Variants in PCDHAC1 observed in about 807,000 individuals in gnomAD.
PCDHAC1 encodes protocadherin alpha subfamily C, 1.
In PCDHAC1, 42 loss-of-function variants were observed where a neutral mutation model predicts 60.0. The observed-to-expected ratio is 0.70, with a 90% CI of 0.55 to 0.90. The LOEUF is 0.90. Among genes scored for constraint, PCDHAC1 ranks in the 40% least tolerant of loss-of-function variants. PCDHAC1 has a pLI of 0.00. For synonymous variants in PCDHAC1, 468 were observed against 499.3 expected, an observed-to-expected ratio of 0.94 and a Z score of 0.84; for missense variants, 1,160 against 1,222.3, an observed-to-expected ratio of 0.95 and a Z score of 0.76.
chr5:140,927,527 C>G lies in PCDHAC1; in HGVS notation c.635C>G (p.Ala212Gly). 6.2e-7 allele frequency: 1 copy of G among 1,614,084 alleles called. No homozygotes were observed. Among genetic ancestry groups the G allele is most frequent in the African/African-American group, 1.3e-5 (1 of 75,062 alleles). Residue 212 changes from alanine (A) to glycine (G), a missense_variant, in exon 1 of 4, where the codon GCC (alanine) becomes GGC (glycine). Transcript: ENST00000253807. ...VLTARDGGLPARSGDAQVTII... is the reference protein window; with the variant it reads ...VLTARDGGLPGRSGDAQVTII... Reference sequence around the variant, plus strand: ...ACAGCTCGGGACGGCGGGCTACCTGCCCGCTCAGGAGACGCACAAGTCACC... The same window carrying G: ...ACAGCTCGGGACGGCGGGCTACCTGGCCGCTCAGGAGACGCACAAGTCACC...
chr5:140,986,042 C>T (rs1344724281), intron 3 of PCDHAC1, among the ~76,000 whole-genome samples: 1 of 152,104 alleles, frequency 6.6e-6, no homozygotes, highest in Admixed American at 6.5e-5. Context: ...CCTGGCCTCA[C>T]TGATGAATTC....
intron 3 of PCDHAC1, among the ~76,000 whole-genome samples, chr5:141,004,084 T>C (rs2098151963): frequency 6.6e-6 from 1 of 152,234 alleles, no homozygotes; most frequent in Non-Finnish European, 1.5e-5. Context: ...GGTAGAAATG[T>C]GCTTCTTCCG....
chr5:140,934,926 G>A lies in PCDHAC1; in HGVS notation c.2433+5601G>A, dbSNP rs1054459840. Among the ~76,000 whole-genome samples, 3 of 152,116 alleles carry A rather than the reference G, an allele frequency of 2.0e-5. No homozygotes were observed. In the East Asian group the frequency reaches 5.8e-4, roughly 29 times the overall value. On this transcript the variant is annotated intron_variant, in intron 1 of 3. Transcript: ENST00000253807. ...TGGAATAATTATGGATTCACATAAA[G>A]TTACAAAACTAGTATAGAGAGATCC...
chr5:140,956,130 AC>A (rs1328169081), intron 1 of PCDHAC1, among the ~76,000 whole-genome samples: 3 of 152,088 alleles, frequency 2.0e-5, no homozygotes. Context: ...CTATTTGAAT[AC>A]CCTTTATTTC....
chr5:140,983,340 A>AG (rs2097043854), intron 3 of PCDHAC1, among the ~76,000 whole-genome samples: 1 of 152,240 alleles, frequency 6.6e-6, no homozygotes, highest in African/African-American at 2.4e-5. Flanking sequence ...TCACTAAAGC[A>AG]GGGTCATGTA....
Position 141,009,922 on chromosome 5 carries a change from C to G in PCDHAC1, c.2877C>G (p.Asp959Glu), listed in dbSNP as rs1554262572. 6.2e-7 allele frequency: 1 copy of G among 1,608,774 alleles called. No individual in the cohort carries two copies. Among genetic ancestry groups the G allele is most frequent in the South Asian group, 1.1e-5 (1 of 90,050 alleles). The change falls in exon 4 of 4, where the codon GAC becomes GAG. Residue 959 changes from aspartate to glutamate, a missense_variant. Coordinates refer to ENST00000253807, the MANE Select transcript of PCDHAC1 (RefSeq NM_018898.5). ...AAGAGAAAGGGAACAGCACGACTGACAACAGTGACCAGTGAGGTCCTCAAA... is the reference window on the plus strand; with the variant it reads ...AAGAGAAAGGGAACAGCACGACTGAGAACAGTGACCAGTGAGGTCCTCAAA... ...EKKEKGNSTT[D>E]NSDQ
At chr5:140,943,267 AAAAAAAAAAAG>A in intron 1 of PCDHAC1, among the ~76,000 whole-genome samples, 2 of 150,426 alleles carry the variant, frequency 1.3e-5, no homozygotes, top group South Asian at 2.1e-4. Context: ...CAAAAAAAAA[AAAAAAAAAAAG>A]AAAGAAAGAA....
At chr5:141,007,280 T>G (rs946303708) in intron 3 of PCDHAC1, among the ~76,000 whole-genome samples, 1 of 151,106 alleles carries the variant, frequency 6.6e-6, no homozygotes, top group East Asian at 1.9e-4. Flanking sequence ...CTGGGTGCAG[T>G]GGGCTCATGC....
intron 3 of PCDHAC1, among the ~76,000 whole-genome samples, chr5:140,999,619 G>A (rs2097865766): frequency 6.6e-6 from 1 of 152,146 alleles, no homozygotes; most frequent in Non-Finnish European, 1.5e-5. Flanking sequence ...TTATCAACCA[G>A]GAAACAAGGT....
intron 1 of PCDHAC1, among the ~76,000 whole-genome samples, chr5:140,965,427 G>A (rs1336088571): frequency 6.6e-6 from 1 of 152,104 alleles, no homozygotes; most frequent in Non-Finnish European, 1.5e-5. Flanking sequence ...AAGATAAGCT[G>A]CAGTCATTGA....
At chr5:140,943,008 G>A (rs2093405058) in intron 1 of PCDHAC1, among the ~76,000 whole-genome samples, 2 of 152,052 alleles carry the variant, frequency 1.3e-5, no homozygotes, top group African/African-American at 4.8e-5. Context: ...TGTAATCCCA[G>A]CACTTTGGGA....
At chr5:140,934,879 T>C (rs1202301097) in intron 1 of PCDHAC1, among the ~76,000 whole-genome samples, 1 of 152,206 alleles carries the variant, frequency 6.6e-6, no homozygotes, top group African/African-American at 2.4e-5. Flanking sequence ...TGTTTGTGTA[T>C]CTTGTTTTAA....
chr5:140,966,986 C>G (rs1364396774), intron 1 of PCDHAC1: 1 of 1,603,766 alleles, frequency 6.2e-7, no homozygotes, highest in African/African-American at 1.3e-5. Flanking sequence ...GCGCTTGGGG[C>G]CGGGTTGCTT....
chr5:140,944,255 A>G (rs1266795910), intron 1 of PCDHAC1, among the ~76,000 whole-genome samples: 5 of 152,098 alleles, frequency 3.3e-5, no homozygotes, highest in African/African-American at 1.2e-4. Context: ...TGATGTGATC[A>G]CTGCTCACTG....
In PCDHAC1 at chr5:140,926,979, G is replaced by A. The variant is rs782354889; in HGVS notation, c.87G>A (p.Glu29=). The stretch of plus-strand genomic sequence containing the variant: ...AGCTCGAGTACTCAGTGCCGGAGGA[G>A]ACGGAGCGGGGCGTAGCCGTAGGCA... ...AGQLEYSVPE[E]TERGVAVGNL... The change falls in exon 1 of 4, where the codon GAG becomes GAA. Residue 29 remains glutamate, a synonymous_variant. Coordinates refer to ENST00000253807, the MANE Select transcript of PCDHAC1 (RefSeq NM_018898.5). 1 of 1,610,590 alleles carries A rather than the reference G, an allele frequency of 6.2e-7. No individual in the cohort carries two copies.
At chr5:140,935,245 T>A (rs1409133658) in intron 1 of PCDHAC1, among the ~76,000 whole-genome samples, 1 of 152,200 alleles carries the variant, frequency 6.6e-6, no homozygotes, top group Non-Finnish European at 1.5e-5. Flanking sequence ...TTTTAAAAGA[T>A]AAAATACATC....
intron 3 of PCDHAC1, among the ~76,000 whole-genome samples, chr5:141,007,994 T>G (rs1339008337): frequency 5.9e-5 from 9 of 152,262 alleles, no homozygotes. Flanking sequence ...GAAATGTACA[T>G]GTTAATAAAC....
intron 3 of PCDHAC1, among the ~76,000 whole-genome samples, chr5:140,999,046 T>C (rs2097844534): frequency 6.6e-6 from 1 of 152,228 alleles, no homozygotes; most frequent in South Asian, 2.1e-4. Flanking sequence ...CAGTGTGCTT[T>C]CCACCATGCC....
chr5:141,008,594 C>A (rs1018305560), intron 3 of PCDHAC1, among the ~76,000 whole-genome samples: 1 of 152,214 alleles, frequency 6.6e-6, no homozygotes, highest in African/African-American at 2.4e-5. Context: ...GCAGATTTCA[C>A]CTCCTCTGGA....
Sources: allele counts gnomAD v4.1 joint callset (sites outside exome capture counted in the v4.1 genomes callset), GRCh38; gene constraint gnomAD v4.1.1; transcripts MANE v1.5; gene names NCBI Gene and HGNC (gene_info 2026-07-23, HGNC 2026-07-21).